The following KSR2 variants were observed in gnomAD, a reference collection of about 807,000 sequenced individuals.
KSR2 encodes the protein kinase suppressor of ras 2.
Under a neutral mutation model 107.8 loss-of-function variants are expected in KSR2, and 25 were observed. The ratio of observed to expected loss-of-function variants is 0.23; its 90% CI spans 0.17 to 0.32. The LOEUF (loss-of-function observed/expected upper bound fraction) is 0.32. KSR2 is among the 10% of genes least tolerant of loss of function. The pLI, the probability that KSR2 is intolerant of heterozygous loss-of-function variation, is 1.00. For synonymous variants in KSR2, 480 were observed against 507.0 expected, an observed-to-expected ratio of 0.95 and a Z score of 0.71; for missense variants, 887 against 1,268.9, an observed-to-expected ratio of 0.70 and a Z score of 4.57.
At chr12:117,750,284 T>A (rs568646536) in intron 4 of KSR2, among the ~76,000 whole-genome samples, 263 of 150,506 alleles carry the variant, frequency 1.7e-3, no homozygotes, top group Non-Finnish European at 2.8e-3. Context: ...AACTTTCTTA[T>A]GCAGAGTAAT....
intron 9 of KSR2, among the ~76,000 whole-genome samples, chr12:117,549,583 G>A (rs976364581): frequency 1.3e-5 from 2 of 152,120 alleles, no homozygotes; most frequent in Admixed American, 6.5e-5. Flanking sequence ...GTCACATGGT[G>A]GCCCCTCAGT....
At chr12:117,858,015 A>C (rs1893156756) in intron 2 of KSR2, among the ~76,000 whole-genome samples, 3 of 152,234 alleles carry the variant, frequency 2.0e-5, no homozygotes. Flanking sequence ...TAAATGAGCA[A>C]ATCGCTGCCA....
At chr12:117,740,133 T>C (rs1265169289) in intron 4 of KSR2, among the ~76,000 whole-genome samples, 1 of 150,942 alleles carries the variant, frequency 6.6e-6, no homozygotes, top group African/African-American at 2.4e-5. Context: ...CTTATGCCTT[T>C]GCATCCTCAT....
At chr12:117,795,446 A>C (rs1566019996) in intron 3 of KSR2, among the ~76,000 whole-genome samples, 1 of 152,152 alleles carries the variant, frequency 6.6e-6, no homozygotes, top group Non-Finnish European at 1.5e-5. Context: ...CCAGAAGAGC[A>C]CAAGATTCAG....
chr12:117,957,748 TACACACAC>T (rs60722226), intron 1 of KSR2, among the ~76,000 whole-genome samples: 2 of 148,014 alleles, frequency 1.4e-5, no homozygotes, highest in Non-Finnish European at 3.0e-5. Context: ...AATTGTGAGT[TACACACAC>T]ACACACACAC....
intron 14 of KSR2, among the ~76,000 whole-genome samples, chr12:117,497,230 G>A (rs1011996940): frequency 1.3e-5 from 2 of 152,124 alleles, no homozygotes; most frequent in African/African-American, 2.4e-5. Context: ...GACAAGAAGG[G>A]CTGACTCTTT....
intron 5 of KSR2, among the ~76,000 whole-genome samples, chr12:117,628,965 C>T (rs144230793): frequency 1.2e-3 from 184 of 152,358 alleles, no homozygotes; most frequent in African/African-American, 4.1e-3. Flanking sequence ...CGGACTGCTG[C>T]GCTAGCAGTG....
chr12:117,729,290 C>T (rs535923911), intron 4 of KSR2, among the ~76,000 whole-genome samples: 111 of 152,000 alleles, frequency 7.3e-4, no homozygotes, highest in Non-Finnish European at 1.3e-3. Context: ...ACTGCCTCAG[C>T]AATAGGGAAG....
At chr12:117,967,462 G>A (rs190735390) in intron 1 of KSR2, among the ~76,000 whole-genome samples, 1 of 152,080 alleles carries the variant, frequency 6.6e-6, no homozygotes, top group African/African-American at 2.4e-5. Flanking sequence ...CGATTGGATT[G>A]GAAATGGGTA....
At chr12:117,469,268 A>G (rs917219981) in intron 19 of KSR2, among the ~76,000 whole-genome samples, 2 of 152,238 alleles carry the variant, frequency 1.3e-5, no homozygotes, top group Admixed American at 6.5e-5. Context: ...TGACAGGGGC[A>G]GGCTGCTGGC....
intron 1 of KSR2, among the ~76,000 whole-genome samples, chr12:117,888,222 A>G (rs1259468093): frequency 6.6e-6 from 1 of 152,224 alleles, no homozygotes; most frequent in African/African-American, 2.4e-5. Context: ...TGGAGGCCAG[A>G]TTCAACCCTG....
At chr12:117,476,803 T>A (rs1241489284) in intron 16 of KSR2, among the ~76,000 whole-genome samples, 1 of 152,198 alleles carries the variant, frequency 6.6e-6, no homozygotes, top group Non-Finnish European at 1.5e-5. Context: ...CAAACCATCA[T>A]CAAATTCCAT....
chr12:117,879,089 G>A (rs1033852054), intron 1 of KSR2, among the ~76,000 whole-genome samples: 1 of 152,064 alleles, frequency 6.6e-6, no homozygotes, highest in Non-Finnish European at 1.5e-5. Context: ...AAATTCGTTA[G>A]AATTTAACCC....
At chr12:117,698,253 C>T (rs1409737143) in intron 4 of KSR2, among the ~76,000 whole-genome samples, 5 of 152,082 alleles carry the variant, frequency 3.3e-5, no homozygotes, top group Admixed American at 6.6e-5. Context: ...AATATATCTC[C>T]TTGGTCTCTT....
rs183513627 is a variant in KSR2 at position 117,959,717 on chromosome 12, G to A, written c.180+8359C>T. On this transcript the variant is annotated intron_variant, in intron 1 of 19. Coordinates refer to ENST00000339824, the MANE Select transcript of KSR2 (RefSeq NM_173598.6). Reference sequence around the variant, plus strand: ...AGGCCAAGGCATGAGCATCACTTGAGCCCAGGAGTTGGAGACCAGCCTGAG... The same window carrying A: ...AGGCCAAGGCATGAGCATCACTTGAACCCAGGAGTTGGAGACCAGCCTGAG... Among the ~76,000 whole-genome samples, 5 of 152,226 alleles carry A rather than the reference G, an allele frequency of 3.3e-5. No individual in the cohort carries two copies. In the East Asian group the frequency reaches 9.7e-4, roughly 29 times the overall value.
intron 9 of KSR2, among the ~76,000 whole-genome samples, chr12:117,541,140 A>C (rs930083289): frequency 1.5e-4 from 21 of 137,260 alleles, no homozygotes; most frequent in African/African-American, 2.5e-4. Flanking sequence ...GATGTGGAGG[A>C]ATGGGAGGCA....
At chr12:117,790,026 C>G (rs1158948913) in intron 3 of KSR2, among the ~76,000 whole-genome samples, 3 of 152,184 alleles carry the variant, frequency 2.0e-5, no homozygotes, top group African/African-American at 7.2e-5. Context: ...GACGCTTCCA[C>G]CGTCACACCT....
chr12:117,655,957 G>A (rs769887430), intron 5 of KSR2, among the ~76,000 whole-genome samples: 10 of 152,084 alleles, frequency 6.6e-5, no homozygotes, highest in African/African-American at 1.4e-4. Context: ...CAAATGACCC[G>A]GACCCTTCAG....
chr12:117,544,725 T>C (rs1434475254), intron 9 of KSR2, among the ~76,000 whole-genome samples: 1 of 152,244 alleles, frequency 6.6e-6, no homozygotes, highest in Admixed American at 6.5e-5. Context: ...ATATATTCTT[T>C]GGGATTTTTG....
Sources: allele counts gnomAD v4.1 joint callset (sites outside exome capture counted in the v4.1 genomes callset), GRCh38; gene constraint gnomAD v4.1.1; transcripts MANE v1.5; gene names NCBI Gene and HGNC (gene_info 2026-07-23, HGNC 2026-07-21).